Variants in CORO2B observed in about 807,000 individuals in gnomAD.
CORO2B encodes the protein coronin-2B.
Under a neutral mutation model 58.8 loss-of-function variants are expected in CORO2B, and 26 were observed. The ratio of observed to expected loss-of-function variants is 0.44; its 90% CI spans 0.32 to 0.61. The LOEUF (loss-of-function observed/expected upper bound fraction) is 0.61. Among genes scored for constraint, CORO2B ranks in the 20% least tolerant of loss-of-function variants. The pLI is 0.04. For missense variants in CORO2B, 460 were observed against 645.1 expected (o/e 0.71, Z 3.11); for synonymous variants, 242 against 253.8 (o/e 0.95, Z 0.44).
rs1192260415 is a variant in CORO2B, at chr15:68,691,327, C to CAAAA, written c.217-3800_217-3797dup. Reference sequence around the variant, plus strand: ...CCTGGGAGACAGCGAGACTCCGTCTCAAAAAAAAAAAAAAAAGGCCGGGCG... The same window carrying CAAAA: ...CCTGGGAGACAGCGAGACTCCGTCTCAAAAAAAAAAAAAAAAAAAAGGCCGGGCG... On this transcript the variant is annotated intron_variant, in intron 2 of 11. Coordinates refer to ENST00000261861, the MANE Select transcript of CORO2B (RefSeq NM_006091.5). Among the ~76,000 whole-genome samples, 64 of 9,540 alleles carry CAAAA rather than the reference C, an allele frequency of 6.7e-3. 4 individuals are homozygous for CAAAA. Among genetic ancestry groups the CAAAA allele is most frequent in the South Asian group, 0.024 (1 of 42 alleles). 6.3% of individuals were successfully genotyped at this position (9,540 alleles called of 152,430 possible).
chr15:68,551,069 T>C, the CORO2B span, among the ~76,000 whole-genome samples: 1 of 152,150 alleles, frequency 6.6e-6, no homozygotes, highest in South Asian at 2.1e-4. Flanking sequence ...TTCCTGACTC[T>C]CTGGGGGGAA....
intron 1 of CORO2B, among the ~76,000 whole-genome samples, chr15:68,597,069 G>A (rs1354033180): frequency 6.6e-6 from 1 of 152,104 alleles, no homozygotes; most frequent in East Asian, 1.9e-4. Context: ...TTGAGCAGAA[G>A]CATATATATC....
intron 1 of CORO2B, among the ~76,000 whole-genome samples, chr15:68,599,298 G>A (rs933699823): frequency 6.6e-6 from 1 of 152,190 alleles, no homozygotes; most frequent in Non-Finnish European, 1.5e-5. Context: ...AACATGTCTT[G>A]TCTCTCCTGC....
chr15:68,589,513 A>G (rs908930192), intron 1 of CORO2B, among the ~76,000 whole-genome samples: 13 of 152,372 alleles, frequency 8.5e-5, no homozygotes, highest in African/African-American at 2.9e-4. Flanking sequence ...TTAAAGATGT[A>G]CAGTAGAAAC....
chr15:68,679,885 T>A (rs1902717746), intron 2 of CORO2B, among the ~76,000 whole-genome samples: 1 of 152,098 alleles, frequency 6.6e-6, no homozygotes, highest in Non-Finnish European at 1.5e-5. Context: ...ACCTCGGAGG[T>A]GGTGCATCTC....
chr15:68,524,219 C>CA, the CORO2B span, among the ~76,000 whole-genome samples: 8 of 148,384 alleles, frequency 5.4e-5, no homozygotes, highest in African/African-American at 1.5e-4. Flanking sequence ...AACCCTGTCT[C>CA]AAAAAAAAAG....
intron 2 of CORO2B, among the ~76,000 whole-genome samples, chr15:68,664,293 C>T (rs1403764875): frequency 1.3e-5 from 2 of 152,066 alleles, no homozygotes. Context: ...GTTGAGATTG[C>T]AATAATTTAT....
At chr15:68,660,546 T>C (rs1172966896) in intron 2 of CORO2B, among the ~76,000 whole-genome samples, 1 of 152,172 alleles carries the variant, frequency 6.6e-6, no homozygotes, top group Non-Finnish European at 1.5e-5. Context: ...AATTTTTTTA[T>C]TTTTTGTAGA....
chr15:68,707,114 C>T (rs577734442), intron 3 of CORO2B, among the ~76,000 whole-genome samples: 25 of 152,302 alleles, frequency 1.6e-4, no homozygotes, highest in Non-Finnish European at 2.9e-4. Flanking sequence ...GCGCGCGCCA[C>T]CACGCCCAGC....
At position 68,726,192 on chromosome 15, in the gene CORO2B, C is replaced by T. The variant is rs1030808286; in HGVS notation, c.*218C>T. 1.6e-5 allele frequency: 9 copies of T among 560,250 alleles called. No homozygotes were observed. The African/African-American group carries it at 1.8e-4, about 11-fold the overall frequency. 34.7% of individuals were successfully genotyped at this position (560,250 alleles called of 1,614,324 possible). On this transcript the variant is annotated 3_prime_UTR_variant, in exon 12 of 12. Coordinates refer to ENST00000261861, the MANE Select transcript of CORO2B (RefSeq NM_006091.5). ...CTTCTGGAGACCCCCTGCCGGCAGC[C>T]CCTTTCCCTGCCACCCCAGGAGCCA...
intron 1 of CORO2B, among the ~76,000 whole-genome samples, chr15:68,600,557 G>A (rs1326536503): frequency 6.6e-6 from 1 of 152,134 alleles, no homozygotes; most frequent in Non-Finnish European, 1.5e-5. Context: ...TCTGAACTCC[G>A]TCCCACCCCC....
intron 8 of CORO2B, among the ~76,000 whole-genome samples, chr15:68,715,669 C>A (rs1893015643): frequency 6.6e-6 from 1 of 152,194 alleles, no homozygotes; most frequent in South Asian, 2.1e-4. Flanking sequence ...CCTTCCTGAG[C>A]CTCTAGGAAG....
chr15:68,543,327 C>T, the CORO2B span, among the ~76,000 whole-genome samples: 1 of 152,164 alleles, frequency 6.6e-6, no homozygotes, highest in African/African-American at 2.4e-5. Context: ...GGCTTCCTCC[C>T]TCCCCCTGAC....
the CORO2B span, among the ~76,000 whole-genome samples, chr15:68,529,390 G>A: frequency 5.9e-5 from 9 of 152,176 alleles, no homozygotes; most frequent in Non-Finnish European, 2.9e-5. Flanking sequence ...CTAAAGATGA[G>A]ATATCACAAC....
At chr15:68,699,143 G>A (rs1051765721) in intron 3 of CORO2B, among the ~76,000 whole-genome samples, 4 of 152,096 alleles carry the variant, frequency 2.6e-5, no homozygotes, top group African/African-American at 9.7e-5. Flanking sequence ...AGAGTCATCT[G>A]GTGTGACTGG....
chr15:68,662,643 T>C (rs1368426175), intron 2 of CORO2B, among the ~76,000 whole-genome samples: 1 of 152,240 alleles, frequency 6.6e-6, no homozygotes, highest in African/African-American at 2.4e-5. Context: ...AGCAGATACT[T>C]GCAACACTTG....
At chr15:68,537,505 A>G in the CORO2B span, among the ~76,000 whole-genome samples, 24 of 152,154 alleles carry the variant, frequency 1.6e-4, no homozygotes, top group African/African-American at 5.1e-4. Flanking sequence ...AATTTTTTTT[A>G]AGTTCTATGG....
chr15:68,604,414 C>G (rs146694278), intron 1 of CORO2B, among the ~76,000 whole-genome samples: 2,394 of 152,180 alleles, frequency 0.016, 64 homozygotes, highest in African/African-American at 0.053. Flanking sequence ...ACCCTATTAA[C>G]AAGGGCAAAG....
chr15:68,611,657 G>A (rs1900250527), intron 1 of CORO2B, among the ~76,000 whole-genome samples: 1 of 152,112 alleles, frequency 6.6e-6, no homozygotes, highest in Non-Finnish European at 1.5e-5. Context: ...TTAAGATATG[G>A]AATGTGCTTC....
Sources: gnomAD v4.1 joint callset for allele counts (sites outside exome capture counted in the v4.1 genomes callset) on GRCh38, gnomAD v4.1.1 for gene constraint, MANE v1.5 for transcripts, NCBI Gene and HGNC (gene_info 2026-07-23, HGNC 2026-07-21) for gene names.